NXPE4: variants seen among roughly 807,000 people sequenced by gnomAD.
NXPE4 encodes the protein NXPE family member 4.
In NXPE4, 42 loss-of-function variants were observed where a neutral mutation model predicts 33.3. The observed-to-expected ratio is 1.26, with a 90% CI of 0.98 to 1.63. NXPE4 has a LOEUF of 1.63. Ranked by LOEUF, NXPE4 falls within the 40% of genes most tolerant of loss-of-function variation. The probability of loss-of-function intolerance (pLI) is 0.00; values close to 1 mark genes in which losing one functional copy is unlikely to be tolerated. For missense variants in NXPE4, 709 were observed against 647.6 expected, an observed-to-expected ratio of 1.09 and a Z score of -1.03; for synonymous variants, 253 against 234.9, an observed-to-expected ratio of 1.08 and a Z score of -0.71.
chr11:114,662,821 AG>A, the NXPE4 span, among the ~76,000 whole-genome samples: 1 of 152,138 alleles, frequency 6.6e-6, no homozygotes, highest in African/African-American at 2.4e-5. Context: ...GCTGCCTCGA[AG>A]GAAAGGACCC....
the NXPE4 span, among the ~76,000 whole-genome samples, chr11:114,648,151 A>C: frequency 6.6e-6 from 1 of 152,112 alleles, no homozygotes; most frequent in Non-Finnish European, 1.5e-5. Context: ...GCCTATTTAT[A>C]ATGAGCCCTT....
At chr11:114,616,642 G>T in the NXPE4 span, among the ~76,000 whole-genome samples, 6 of 151,416 alleles carry the variant, frequency 4.0e-5, 1 homozygote, top group African/African-American at 1.5e-4. Context: ...GATAATAAAT[G>T]TTGCCTATTG....
At chr11:114,670,083 G>T in the NXPE4 span, among the ~76,000 whole-genome samples, 2 of 151,916 alleles carry the variant, frequency 1.3e-5, no homozygotes, top group Non-Finnish European at 2.9e-5. Flanking sequence ...CTCAAAGACT[G>T]GTCTCAAAAA....
the NXPE4 span, among the ~76,000 whole-genome samples, chr11:114,632,472 A>G: frequency 7.8e-6 from 1 of 128,456 alleles, no homozygotes; most frequent in Non-Finnish European, 1.6e-5. Context: ...CATTATATAT[A>G]CTATATAATA....
chr11:114,639,917 AT>A, the NXPE4 span, among the ~76,000 whole-genome samples: 441 of 111,248 alleles, frequency 4.0e-3, 6 homozygotes, highest in African/African-American at 0.014. Context: ...AAAATATAAT[AT>A]TATATTATAT....
the NXPE4 span, among the ~76,000 whole-genome samples, chr11:114,627,207 C>A: frequency 6.6e-6 from 1 of 151,970 alleles, no homozygotes; most frequent in African/African-American, 2.4e-5. Flanking sequence ...AACCCCAAGA[C>A]ACATAATTGT....
the NXPE4 span, among the ~76,000 whole-genome samples, chr11:114,624,796 C>A: frequency 3.9e-5 from 6 of 152,122 alleles, no homozygotes; most frequent in Non-Finnish European, 7.4e-5. Context: ...AGCACTGTTA[C>A]CCGGTGGATA....
chr11:114,632,097 T>A, the NXPE4 span, among the ~76,000 whole-genome samples: 3 of 145,000 alleles, frequency 2.1e-5, no homozygotes, highest in African/African-American at 7.5e-5. Flanking sequence ...ATTGTAAATA[T>A]AATGTAATAT....
At chr11:114,669,596 A>G in the NXPE4 span, among the ~76,000 whole-genome samples, 26 of 152,198 alleles carry the variant, frequency 1.7e-4, no homozygotes, top group East Asian at 1.2e-3. Context: ...CCAAGCTCCA[A>G]TTATTCTCAC....
upstream of NXPE4, among the ~76,000 whole-genome samples, chr11:114,598,092 T>A (rs1378773934): frequency 6.6e-6 from 1 of 152,130 alleles, no homozygotes; most frequent in Non-Finnish European, 1.5e-5. Context: ...TGTAAAAAAA[T>A]TCCCTTTTAC....
chr11:114,580,523 T>C (rs1166424454), intron 4 of NXPE4, among the ~76,000 whole-genome samples, 185 bp from the exon 5 acceptor site: 1 of 152,190 alleles, frequency 6.6e-6, no homozygotes, highest in Non-Finnish European at 1.5e-5. Context: ...TTCTCTGATG[T>C]GAATTTCCTA....
At chr11:114,651,597 C>T in the NXPE4 span, among the ~76,000 whole-genome samples, 1 of 152,190 alleles carries the variant, frequency 6.6e-6, no homozygotes, top group South Asian at 2.1e-4. Flanking sequence ...CTGCCCACAT[C>T]CTACTGATTG....
chr11:114,608,004 A>G, the NXPE4 span, among the ~76,000 whole-genome samples: 1 of 150,936 alleles, frequency 6.6e-6, no homozygotes, highest in East Asian at 2.0e-4. Context: ...CTGGTGGATA[A>G]ATGTTGCCTC....
chr11:114,609,610 G>A, the NXPE4 span, among the ~76,000 whole-genome samples: 1 of 151,594 alleles, frequency 6.6e-6, no homozygotes, highest in African/African-American at 2.4e-5. Flanking sequence ...TGCCTCGTGG[G>A]TAGGCATGCT....
the NXPE4 span, among the ~76,000 whole-genome samples, chr11:114,629,369 C>T: frequency 4.0e-4 from 61 of 152,048 alleles, no homozygotes; most frequent in Middle Eastern, 3.4e-3. Flanking sequence ...GTTCAATATA[C>T]ACAAATCAAT....
At chr11:114,580,427 A>T in intron 4 of NXPE4, 89 bp from the exon 5 acceptor site, 6 of 1,038,668 alleles carry the variant, frequency 5.8e-6, no homozygotes, top group Non-Finnish European at 8.9e-6. Flanking sequence ...TAAGTATCCT[A>T]AGAGGGGGTA....
the NXPE4 span, among the ~76,000 whole-genome samples, chr11:114,604,567 G>A: frequency 2.0e-5 from 3 of 151,966 alleles, no homozygotes; most frequent in South Asian, 2.1e-4. Context: ...CTGTTACCTG[G>A]TGGATGATAA....
chr11:114,613,469 T>C, the NXPE4 span, among the ~76,000 whole-genome samples: 1 of 151,960 alleles, frequency 6.6e-6, no homozygotes, highest in African/African-American at 2.4e-5. Flanking sequence ...TGCTGCATAA[T>C]AAGTATTGCC....
At chr11:114,636,000 C>G in the NXPE4 span, among the ~76,000 whole-genome samples, 1 of 151,960 alleles carries the variant, frequency 6.6e-6, no homozygotes, top group Non-Finnish European at 1.5e-5. Context: ...AGGGAGGATT[C>G]CCTCTTTTTC....
Sources: allele counts gnomAD v4.1 joint callset (sites outside exome capture counted in the v4.1 genomes callset), GRCh38; gene constraint gnomAD v4.1.1; transcripts MANE v1.5; gene names NCBI Gene and HGNC (gene_info 2026-07-23, HGNC 2026-07-21).